The following CARMIL1 variants were observed in gnomAD, a reference collection of about 807,000 sequenced individuals.
CARMIL1 encodes the protein capping protein regulator and myosin 1 linker 1.
A neutral mutation model predicts 177.1 loss-of-function variants in CARMIL1; 90 were observed. That is an observed-to-expected ratio of 0.51 (90% CI 0.43 to 0.61). CARMIL1 has a LOEUF of 0.61. Ranked by LOEUF, CARMIL1 falls within the 20% of genes least tolerant of loss-of-function variation. The probability of loss-of-function intolerance (pLI) is 0.00; values close to 1 mark genes in which losing one functional copy is unlikely to be tolerated. For synonymous variants in CARMIL1, 577 were observed against 606.2 expected, an observed-to-expected ratio of 0.95 and a Z score of 0.71; for missense variants, 1,380 against 1,667.0, an observed-to-expected ratio of 0.83 and a Z score of 3.00.
chr6:25,597,593 C>A (rs1341863867), intron 32 of CARMIL1, among the ~76,000 whole-genome samples: 1 of 151,382 alleles, frequency 6.6e-6, no homozygotes, highest in African/African-American at 2.4e-5. Context: ...TTTTTTTCTT[C>A]TTGGACACAC....
At chr6:25,322,912 T>C (rs1339498915) in intron 2 of CARMIL1, among the ~76,000 whole-genome samples, 2 of 152,212 alleles carry the variant, frequency 1.3e-5, no homozygotes, top group African/African-American at 2.4e-5. Flanking sequence ...TCTTTGTGTC[T>C]AGGTTGCTCC....
At chr6:25,355,463 G>A (rs1198477831) in intron 2 of CARMIL1, among the ~76,000 whole-genome samples, 1 of 152,040 alleles carries the variant, frequency 6.6e-6, no homozygotes, top group Non-Finnish European at 1.5e-5. Context: ...GGAAACATAG[G>A]GAGACTCTGT....
intron 13 of CARMIL1, among the ~76,000 whole-genome samples, chr6:25,489,372 T>A (rs1276730604): frequency 6.6e-6 from 1 of 152,112 alleles, no homozygotes; most frequent in African/African-American, 2.4e-5. Context: ...AGAAGAGTGG[T>A]CAACATATAA....
At chr6:25,495,038 A>ACAAAT (rs1379351588) in intron 15 of CARMIL1, 73 bp from the exon 16 acceptor site, 22 of 805,526 alleles carry the variant, frequency 2.7e-5, no homozygotes, top group Non-Finnish European at 4.5e-5. Context: ...TGTAGATTTC[A>ACAAAT]CAGTGTCTGA....
chr6:25,291,853 T>A (rs1343183783), intron 2 of CARMIL1, among the ~76,000 whole-genome samples: 1 of 152,216 alleles, frequency 6.6e-6, no homozygotes, highest in Non-Finnish European at 1.5e-5. Context: ...AGTTAAGCAG[T>A]ACACATATCA....
chr6:25,506,023 C>G (rs988588236), intron 17 of CARMIL1, among the ~76,000 whole-genome samples: 1 of 152,254 alleles, frequency 6.6e-6, no homozygotes, highest in South Asian at 2.1e-4. Flanking sequence ...AAAAAGAGCA[C>G]CAAATACTGA....
At chr6:25,382,410 TGA>T (rs1791639777) in intron 2 of CARMIL1, among the ~76,000 whole-genome samples, 1 of 152,066 alleles carries the variant, frequency 6.6e-6, no homozygotes, top group Non-Finnish European at 1.5e-5. Flanking sequence ...ACCTTTGCGG[TGA>T]GTGTTACAGC....
intron 23 of CARMIL1, among the ~76,000 whole-genome samples, chr6:25,527,244 A>C (rs1229726548): frequency 2.0e-5 from 3 of 152,170 alleles, no homozygotes; most frequent in Non-Finnish European, 4.4e-5. Context: ...TGCTCTATTA[A>C]TCTAAGATGC....
intron 2 of CARMIL1, among the ~76,000 whole-genome samples, chr6:25,297,457 A>G (rs2328878): frequency 0.42 from 63,584 of 151,990 alleles, 14,179 homozygotes; most frequent in Middle Eastern, 0.5. Context: ...ACCCTCTATC[A>G]TTTTACTCTC....
intron 24 of CARMIL1, among the ~76,000 whole-genome samples, chr6:25,529,152 A>T (rs1807464422): frequency 6.6e-6 from 1 of 152,222 alleles, no homozygotes; most frequent in African/African-American, 2.4e-5. Context: ...GGAACTTTTG[A>T]TTATAATAGA....
rs543444654 is a variant in CARMIL1, at chr6:25,325,052, C to A, written c.138+40143C>A. On this transcript the variant is annotated intron_variant, in intron 2 of 36. Transcript: ENST00000329474. ...CTTTGGAGCTTGCTTTCCTATGTGG[C>A]AACATTAGTTCTAGTGTGATGAATA... 5.9e-5 allele frequency among the ~76,000 whole-genome samples: 9 copies of A among 152,036 alleles called. No individual in the cohort carries two copies. The East Asian group carries it at 1.7e-3, about 29-fold the overall frequency.
At chr6:25,582,966 T>C (rs1350636736) in intron 31 of CARMIL1, among the ~76,000 whole-genome samples, 1 of 152,220 alleles carries the variant, frequency 6.6e-6, no homozygotes, top group African/African-American at 2.4e-5. Context: ...TGGGACATGC[T>C]GCCCCAAAAT....
At chr6:25,348,273 C>T (rs1400511587) in intron 2 of CARMIL1, among the ~76,000 whole-genome samples, 1 of 151,906 alleles carries the variant, frequency 6.6e-6, no homozygotes, top group African/African-American at 2.4e-5. Flanking sequence ...GCTGGGATTA[C>T]AGGCATGCGC....
At chr6:25,282,368 G>C (rs1393621519) in intron 1 of CARMIL1, among the ~76,000 whole-genome samples, 2 of 152,062 alleles carry the variant, frequency 1.3e-5, no homozygotes, top group Non-Finnish European at 2.9e-5. Context: ...TAAGATAGGA[G>C]CTTTGTGAAG....
At chr6:25,494,188 ATAT>A (rs1291782951) in intron 15 of CARMIL1, among the ~76,000 whole-genome samples, 2 of 151,768 alleles carry the variant, frequency 1.3e-5, no homozygotes, top group Non-Finnish European at 2.9e-5. Context: ...GGAACATTAA[ATAT>A]TATTGAATAT....
intron 2 of CARMIL1, among the ~76,000 whole-genome samples, chr6:25,345,315 C>T (rs1281142309): frequency 6.6e-6 from 1 of 152,124 alleles, no homozygotes; most frequent in East Asian, 1.9e-4. Context: ...AATTCCTTAT[C>T]GCTCCAAACT....
intron 2 of CARMIL1, among the ~76,000 whole-genome samples, chr6:25,314,502 C>T (rs1038773693): frequency 2.4e-5 from 3 of 123,176 alleles, no homozygotes; most frequent in Non-Finnish European, 4.9e-5. Context: ...TATATACACA[C>T]CCCCACACAC....
intron 1 of CARMIL1, among the ~76,000 whole-genome samples, chr6:25,282,584 T>G (rs757838473): frequency 3.3e-5 from 5 of 152,212 alleles, no homozygotes; most frequent in Non-Finnish European, 5.9e-5. Context: ...TGATTACCCC[T>G]TATTAAACAT....
chr6:25,476,114 A>G (rs1801555544), intron 11 of CARMIL1, among the ~76,000 whole-genome samples: 1 of 152,226 alleles, frequency 6.6e-6, no homozygotes, highest in Non-Finnish European at 1.5e-5. Context: ...ATGCTCTTGT[A>G]TAGTTTTTTT....
Sources: allele counts gnomAD v4.1 joint callset (sites outside exome capture counted in the v4.1 genomes callset), GRCh38; gene constraint gnomAD v4.1.1; transcripts MANE v1.5; gene names NCBI Gene and HGNC (gene_info 2026-07-23, HGNC 2026-07-21).